Variants in ST18 observed in about 807,000 individuals in gnomAD.
ST18 encodes suppression of tumorigenicity 18 protein.
Under a neutral mutation model 110.0 loss-of-function variants are expected in ST18, and 50 were observed. The ratio of observed to expected loss-of-function variants is 0.45; its 90% CI spans 0.36 to 0.58. ST18 has a LOEUF of 0.58. Ranked by LOEUF, ST18 falls within the 20% of genes least tolerant of loss-of-function variation. The probability of loss-of-function intolerance (pLI) is 0.00; values close to 1 mark genes in which losing one functional copy is unlikely to be tolerated. For missense variants in ST18, 1,306 were observed against 1,280.1 expected (o/e 1.02, Z -0.31); for synonymous variants, 461 against 452.4 (o/e 1.02, Z -0.24).
At chr8:52,362,289 A>T (rs1826046459) in intron 2 of ST18, among the ~76,000 whole-genome samples, 1 of 152,224 alleles carries the variant, frequency 6.6e-6, no homozygotes, top group Admixed American at 6.5e-5. Context: ...CATATTTTTA[A>T]AGGTAGATAA....
At position 52,116,409 on chromosome 8, in the gene ST18, T is replaced by C; in HGVS notation, c.2869A>G (p.Met957Val). ...MMKLQTQITS[M>V]ESNLKTIEEE... is the part of the protein sequence containing the mutation. ...TCTATCGTCTTTAAGTTGCTCTCCA[T>C]AGATGTGATCTACAACAGAAATAAC... The change falls in exon 25 of 26, where the codon ATG becomes GTG. Residue 957 changes from methionine to valine, a missense_variant. Met to Val is a conservative substitution (Grantham distance 21). Coordinates refer to ENST00000689386, the MANE Select transcript of ST18 (RefSeq NM_001352837.2). 3 of 1,612,976 alleles carry C rather than the reference T, an allele frequency of 1.9e-6. No individual in the cohort carries two copies. Among genetic ancestry groups the C allele is most frequent in the African/African-American group, 1.3e-5 (1 of 74,996 alleles).
chr8:52,165,053 A>T, intron 12 of ST18, 82 bp downstream of exon 12: 2 of 1,360,856 alleles, frequency 1.5e-6, no homozygotes, highest in Non-Finnish European at 1.1e-6. Context: ...TTCATCACAC[A>T]TTGGTAACCC....
intron 16 of ST18, among the ~76,000 whole-genome samples, chr8:52,145,089 TA>T (rs1039027703): frequency 6.6e-6 from 1 of 151,138 alleles, no homozygotes; most frequent in Non-Finnish European, 1.5e-5. Flanking sequence ...CGGCATAAAG[TA>T]AAAAGAGCCA....
At chr8:52,161,615 T>C in intron 13 of ST18, 47 bp from the exon 14 acceptor site, 1 of 1,595,004 alleles carries the variant, frequency 6.3e-7, no homozygotes, top group Non-Finnish European at 8.6e-7. Flanking sequence ...ATGAAACTAC[T>C]GGTGAGCACA....
At chr8:52,235,341 C>CT (rs539997886) in intron 2 of ST18, among the ~76,000 whole-genome samples, 43 of 152,132 alleles carry the variant, frequency 2.8e-4, no homozygotes, top group Non-Finnish European at 4.1e-4. Flanking sequence ...CCCTGGCCCA[C>CT]TGAGGAGTCC....
At chr8:52,206,476 A>G (rs2080115862) in intron 8 of ST18, 3 of 152,260 alleles carry the variant, frequency 2.0e-5, no homozygotes, top group Admixed American at 1.3e-4. Context: ...TAAACATAAA[A>G]TAATCTCTGG....
chr8:52,359,040 G>C (rs569303953), intron 2 of ST18, among the ~76,000 whole-genome samples: 2 of 151,930 alleles, frequency 1.3e-5, no homozygotes, highest in South Asian at 4.1e-4. Context: ...GATCAAGTGT[G>C]ATTTATCCCA....
intron 2 of ST18, among the ~76,000 whole-genome samples, chr8:52,374,684 C>T (rs1831525379): frequency 6.6e-6 from 1 of 151,992 alleles, no homozygotes; most frequent in Admixed American, 6.6e-5. Flanking sequence ...CTCTCCACTC[C>T]CCCATACCCC....
chr8:52,380,849 G>T (rs1834260270), intron 2 of ST18, among the ~76,000 whole-genome samples: 2 of 152,178 alleles, frequency 1.3e-5, no homozygotes, highest in South Asian at 4.1e-4. Context: ...TATTGACTAT[G>T]AATGAATGAA....
intron 22 of ST18, among the ~76,000 whole-genome samples, chr8:52,127,276 G>A (rs2047458065): frequency 6.6e-6 from 1 of 152,014 alleles, no homozygotes; most frequent in South Asian, 2.1e-4. Context: ...ATATAGAAAA[G>A]GCTATGCAGT....
chr8:52,401,766 G>A (rs769093097), intron 2 of ST18, among the ~76,000 whole-genome samples: 3 of 151,834 alleles, frequency 2.0e-5, no homozygotes, highest in Non-Finnish European at 2.9e-5. Context: ...AAAATTATTA[G>A]GTTTAATTCC....
chr8:52,165,088 T>C (rs775505121), intron 12 of ST18, 47 bp downstream of exon 12: 2 of 1,580,076 alleles, frequency 1.3e-6, no homozygotes, highest in South Asian at 1.1e-5. Context: ...GGAACGTTTC[T>C]ACCACATTTT....
intron 2 of ST18, among the ~76,000 whole-genome samples, chr8:52,268,507 C>CTATG (rs2094955101): frequency 6.9e-6 from 1 of 144,418 alleles, no homozygotes. Context: ...ATCTATCTAT[C>CTATG]TATTTATCTA....
chr8:52,373,308 C>A (rs1317343847), intron 2 of ST18, among the ~76,000 whole-genome samples: 1 of 152,136 alleles, frequency 6.6e-6, no homozygotes, highest in African/African-American at 2.4e-5. Flanking sequence ...ATATCACATA[C>A]CACCTCCAAC....
At chr8:52,290,342 T>C (rs928677984) in intron 2 of ST18, among the ~76,000 whole-genome samples, 1 of 152,196 alleles carries the variant, frequency 6.6e-6, no homozygotes, top group Non-Finnish European at 1.5e-5. Context: ...AGTGAACACA[T>C]TGTGTTCCCG....
At chr8:52,381,787 CTG>C (rs1303472947) in intron 2 of ST18, among the ~76,000 whole-genome samples, 3 of 152,072 alleles carry the variant, frequency 2.0e-5, no homozygotes, top group Non-Finnish European at 4.4e-5. Flanking sequence ...TGAGGCCAAC[CTG>C]TGAGTATTTT....
chr8:52,332,001 T>C (rs1301640219), intron 2 of ST18, among the ~76,000 whole-genome samples: 4 of 152,126 alleles, frequency 2.6e-5, no homozygotes, highest in African/African-American at 9.7e-5. Flanking sequence ...TATATGTAAA[T>C]ATATATTTAT....
At chr8:52,137,812 T>G (rs1046741999) in intron 17 of ST18, 40 of 235,028 alleles carry the variant, frequency 1.7e-4, no homozygotes, top group Admixed American at 2.6e-4. Context: ...ATTTGAAAAA[T>G]GTATATGTTG....
intron 8 of ST18, among the ~76,000 whole-genome samples, chr8:52,203,639 A>G (rs2078851596): frequency 6.6e-6 from 1 of 152,216 alleles, no homozygotes; most frequent in African/African-American, 2.4e-5. Flanking sequence ...AAATAGGTAT[A>G]GTTTACTTAA....
Sources: allele counts gnomAD v4.1 joint callset (sites outside exome capture counted in the v4.1 genomes callset), GRCh38; gene constraint gnomAD v4.1.1; transcripts MANE v1.5; gene names NCBI Gene and HGNC (gene_info 2026-07-23, HGNC 2026-07-21).